Variants in EXOC4 observed in about 807,000 individuals in gnomAD.
EXOC4 encodes the protein exocyst complex component 4.
Under a neutral mutation model 107.2 loss-of-function variants are expected in EXOC4, and 71 were observed. The observed-to-expected ratio is 0.66, with a 90% CI of 0.55 to 0.81. EXOC4 has a LOEUF of 0.81. EXOC4 is among the 30% of genes least tolerant of loss of function. EXOC4 has a pLI of 0.00. For missense variants in EXOC4, 1,108 were observed against 1,189.6 expected, an observed-to-expected ratio of 0.93 and a Z score of 1.01; for synonymous variants, 456 against 441.2, an observed-to-expected ratio of 1.03 and a Z score of -0.42.
chr7:133,850,720 C>T (rs989087525), intron 11 of EXOC4, among the ~76,000 whole-genome samples: 1 of 151,780 alleles, frequency 6.6e-6, no homozygotes, highest in Non-Finnish European at 1.5e-5. Flanking sequence ...GAATACAGAC[C>T]TTAGCAGGAA....
At chr7:133,576,071 A>G (rs13244007) in intron 9 of EXOC4, among the ~76,000 whole-genome samples, 22,200 of 152,198 alleles carry the variant, frequency 0.15, 2,077 homozygotes, top group South Asian at 0.22. Flanking sequence ...ATCTATTAGC[A>G]AATTTAAAAA....
intron 10 of EXOC4, among the ~76,000 whole-genome samples, chr7:133,710,659 CAGAAAA>C (rs1202972293): frequency 6.2e-5 from 2 of 32,306 alleles, no homozygotes; most frequent in Admixed American, 3.5e-4. Context: ...GACTCTGTCT[CAGAAAA>C]AAAAAAAAAA....
Position 133,287,373 on chromosome 7 carries a change from C to T in EXOC4, c.277-1549C>T, listed in dbSNP as rs552163863. ...TCGCCCAGGCTGGAGTGCAGTGGCA[C>T]GATCTCGGCTCACTGCAAGCTCTGC... On this transcript the variant is annotated intron_variant, in intron 2 of 17. Coordinates refer to ENST00000253861, the MANE Select transcript of EXOC4 (RefSeq NM_021807.4). 3.9e-5 allele frequency among the ~76,000 whole-genome samples: 6 copies of T among 152,104 alleles called. No homozygotes were observed. In the South Asian group the frequency reaches 1.0e-3, roughly 26 times the overall value.
intron 3 of EXOC4, among the ~76,000 whole-genome samples, chr7:133,304,394 G>T (rs1308587396): frequency 1.3e-5 from 2 of 152,204 alleles, no homozygotes; most frequent in Non-Finnish European, 1.5e-5. Flanking sequence ...CTCATAGCAG[G>T]GGCAGTTGCA....
intron 14 of EXOC4, among the ~76,000 whole-genome samples, chr7:133,988,205 G>A (rs1794161954): frequency 6.6e-6 from 1 of 152,166 alleles, no homozygotes; most frequent in East Asian, 1.9e-4. Context: ...GAAAGAACTT[G>A]GGGTATAGGG....
At chr7:133,548,684 C>T (rs1800530106) in intron 9 of EXOC4, among the ~76,000 whole-genome samples, 1 of 152,232 alleles carries the variant, frequency 6.6e-6, no homozygotes, top group African/African-American at 2.4e-5. Context: ...TCAAGCTTTT[C>T]TTCTGCAGCT....
At chr7:133,470,953 G>A (rs1186080984) in intron 7 of EXOC4, among the ~76,000 whole-genome samples, 1 of 152,112 alleles carries the variant, frequency 6.6e-6, no homozygotes, top group Non-Finnish European at 1.5e-5. Context: ...TTTGGAAGGT[G>A]CAGTACATTA....
chr7:133,367,444 G>T (rs1796272468), intron 6 of EXOC4, among the ~76,000 whole-genome samples: 1 of 152,138 alleles, frequency 6.6e-6, no homozygotes, highest in African/African-American at 2.4e-5. Context: ...GGGTTTCTTG[G>T]ATGGAGCAAA....
intron 7 of EXOC4, chr7:133,396,500 A>T (rs1364454528): frequency 1.3e-5 from 2 of 152,188 alleles, no homozygotes; most frequent in East Asian, 3.9e-4. Context: ...TTTAAAAAGG[A>T]ATGATTTTCA....
chr7:133,582,279 G>A (rs1198514731), intron 9 of EXOC4, among the ~76,000 whole-genome samples: 2 of 152,148 alleles, frequency 1.3e-5, no homozygotes, highest in African/African-American at 4.8e-5. Flanking sequence ...ATGGCCTCCA[G>A]TTCTATCCAT....
chr7:133,887,240 A>G (rs1432053147), intron 11 of EXOC4, among the ~76,000 whole-genome samples: 1 of 152,184 alleles, frequency 6.6e-6, no homozygotes, highest in African/African-American at 2.4e-5. Context: ...CAAACCACCC[A>G]AGGAGATTTC....
At chr7:133,605,261 G>A (rs1446392238) in intron 9 of EXOC4, among the ~76,000 whole-genome samples, 1 of 152,052 alleles carries the variant, frequency 6.6e-6, no homozygotes, top group Non-Finnish European at 1.5e-5. Flanking sequence ...CAAAGTTCCT[G>A]CAATCTTTTA....
intron 9 of EXOC4, among the ~76,000 whole-genome samples, chr7:133,616,515 T>C (rs767082020): frequency 2.0e-5 from 3 of 152,164 alleles, no homozygotes; most frequent in Admixed American, 6.6e-5. Context: ...GATACTTGTT[T>C]TGAGGTAAAT....
chr7:133,376,185 G>A (rs1459356702), intron 7 of EXOC4, among the ~76,000 whole-genome samples: 1 of 152,052 alleles, frequency 6.6e-6, no homozygotes, highest in Non-Finnish European at 1.5e-5. Context: ...ACAACTTTTG[G>A]TACAGTGTAT....
intron 9 of EXOC4, among the ~76,000 whole-genome samples, chr7:133,486,304 T>G (rs1799268922): frequency 6.6e-6 from 1 of 152,134 alleles, no homozygotes; most frequent in African/African-American, 2.4e-5. Flanking sequence ...TTGAGATAGA[T>G]TCACTCTGAG....
intron 7 of EXOC4, among the ~76,000 whole-genome samples, chr7:133,410,474 T>G (rs1040526790): frequency 1.3e-5 from 2 of 152,174 alleles, no homozygotes; most frequent in African/African-American, 4.8e-5. Flanking sequence ...TTTATCTGAT[T>G]TATTTTTTAC....
chr7:133,819,788 G>A (rs1323846742), intron 11 of EXOC4, among the ~76,000 whole-genome samples: 1 of 152,186 alleles, frequency 6.6e-6, no homozygotes, highest in East Asian at 1.9e-4. Context: ...GAGTGAGTCT[G>A]TGAACCAATA....
At chr7:133,847,937 C>T (rs1486046897) in intron 11 of EXOC4, among the ~76,000 whole-genome samples, 27 of 134,598 alleles carry the variant, frequency 2.0e-4, no homozygotes, top group African/African-American at 7.8e-4. Context: ...ACCATGTTGG[C>T]CAGGCTGGTC....
chr7:133,608,546 CTTTTTTTTTTTTTTTTTT>C (rs1161155238), intron 9 of EXOC4, among the ~76,000 whole-genome samples: 1 of 85,026 alleles, frequency 1.2e-5, no homozygotes, highest in East Asian at 3.8e-4. Context: ...TGCTGTATTT[CTTTTTTTTTTTTTTTTTT>C]TTTTTGGAGA....
Sources: allele counts gnomAD v4.1 joint callset (sites outside exome capture counted in the v4.1 genomes callset), GRCh38; gene constraint gnomAD v4.1.1; transcripts MANE v1.5; gene names NCBI Gene and HGNC (gene_info 2026-07-23, HGNC 2026-07-21).